The following EPM2A variants were observed in gnomAD, a reference collection of about 807,000 sequenced individuals.
EPM2A encodes the protein EPM2A glucan phosphatase, laforin, also known as laforin.
In EPM2A, 21 loss-of-function variants were observed where a neutral mutation model predicts 26.5. The observed-to-expected ratio is 0.79, with a 90% CI of 0.56 to 1.14. EPM2A has a LOEUF of 1.14. EPM2A is among the 50% of genes most tolerant of loss of function. The probability of loss-of-function intolerance (pLI) is 0.00; values close to 1 mark genes in which losing one functional copy is unlikely to be tolerated. For missense variants in EPM2A, 458 were observed against 440.8 expected, an observed-to-expected ratio of 1.04 and a Z score of -0.35; for synonymous variants, 217 against 177.6, an observed-to-expected ratio of 1.22 and a Z score of -1.76.
intron 4 of EPM2A, among the ~76,000 whole-genome samples, chr6:145,428,947 G>T (rs903325637): frequency 6.6e-6 from 1 of 152,126 alleles, no homozygotes; most frequent in Non-Finnish European, 1.5e-5. Context: ...ACAGAGCACC[G>T]TTTCTTTAAA....
At chr6:145,552,389 T>A (rs986417034) in intron 2 of EPM2A, among the ~76,000 whole-genome samples, 5 of 151,766 alleles carry the variant, frequency 3.3e-5, no homozygotes, top group Admixed American at 1.3e-4. Context: ...ACAATCAGAG[T>A]GATTTCTGAC....
rs1446648224 is a variant in EPM2A, at chr6:145,717,759, C to A, written c.301+17439G>T. 2.0e-5 allele frequency among the ~76,000 whole-genome samples: 3 copies of A among 150,132 alleles called. No individual in the cohort carries two copies. The South Asian group carries it at 6.4e-4, about 32-fold the overall frequency. Reference sequence around the variant, plus strand: ...AAAATCTCCTTAAGCTGATAAGCAACTTCAGCAAAGTCTCAGGATACAAAA... The same window carrying A: ...AAAATCTCCTTAAGCTGATAAGCAAATTCAGCAAAGTCTCAGGATACAAAA... On this transcript the variant is annotated intron_variant, in intron 1 of 3. Coordinates refer to ENST00000367519, the MANE Select transcript of EPM2A (RefSeq NM_005670.4).
chr6:145,454,328 C>G (rs1779233595), intron 4 of EPM2A, among the ~76,000 whole-genome samples: 1 of 152,054 alleles, frequency 6.6e-6, no homozygotes, highest in African/African-American at 2.4e-5. Context: ...TTTAAAAGCC[C>G]CGCAATATTC....
chr6:145,702,939 CTT>C (rs2128626523), intron 1 of EPM2A, among the ~76,000 whole-genome samples: 1 of 152,246 alleles, frequency 6.6e-6, no homozygotes, highest in African/African-American at 2.4e-5. Context: ...TATAAAATAA[CTT>C]AATGCAAATG....
intron 2 of EPM2A, chr6:145,639,780 T>A (rs916833146): frequency 1.2e-4 from 19 of 152,186 alleles, no homozygotes; most frequent in African/African-American, 4.3e-4. Context: ...ACCTTCTAAC[T>A]GGTCAAAACT....
intron 2 of EPM2A, among the ~76,000 whole-genome samples, chr6:145,515,276 A>G (rs1456652738): frequency 6.6e-6 from 1 of 152,178 alleles, no homozygotes; most frequent in Non-Finnish European, 1.5e-5. Flanking sequence ...CCTAAGATCA[A>G]TTTTCTAGAA....
chr6:145,505,246 T>TA (rs35126192), intron 2 of EPM2A, among the ~76,000 whole-genome samples: 51,931 of 149,724 alleles, frequency 0.35, 9,347 homozygotes, highest in South Asian at 0.51. Context: ...AAAGTATAAT[T>TA]AAAAAAAAAA....
At chr6:145,594,314 A>C (rs1471275434) in intron 2 of EPM2A, among the ~76,000 whole-genome samples, 1 of 151,922 alleles carries the variant, frequency 6.6e-6, no homozygotes, top group Non-Finnish European at 1.5e-5. Context: ...TATAAGGTTC[A>C]TTTCTTATTG....
intron 2 of EPM2A, among the ~76,000 whole-genome samples, chr6:145,617,578 T>C (rs1365663423): frequency 6.6e-6 from 1 of 152,194 alleles, no homozygotes; most frequent in African/African-American, 2.4e-5. Flanking sequence ...ATTACCCCAT[T>C]CATTGACTTA....
chr6:145,681,917 G>C (rs189475980), intron 2 of EPM2A, among the ~76,000 whole-genome samples: 223 of 152,144 alleles, frequency 1.5e-3, no homozygotes, highest in African/African-American at 4.8e-3. Flanking sequence ...CCATGTTCAG[G>C]CTAATTATGT....
chr6:145,564,932 T>C (rs1780862855), intron 2 of EPM2A, among the ~76,000 whole-genome samples: 1 of 152,116 alleles, frequency 6.6e-6, no homozygotes, highest in Non-Finnish European at 1.5e-5. Context: ...GTACCACTGC[T>C]CCTGTACTAT....
chr6:145,603,588 T>C (rs1781444776), intron 2 of EPM2A, among the ~76,000 whole-genome samples: 1 of 152,236 alleles, frequency 6.6e-6, no homozygotes, highest in African/African-American at 2.4e-5. Flanking sequence ...TGAAAGAAAA[T>C]GAAAGTGCTT....
intron 2 of EPM2A, among the ~76,000 whole-genome samples, chr6:145,571,355 C>T (rs1780953124): frequency 6.6e-6 from 1 of 152,202 alleles, no homozygotes; most frequent in Non-Finnish European, 1.5e-5. Flanking sequence ...CATGGTAAGA[C>T]CAGTGAATTC....
At chr6:145,544,496 T>G (rs922808604) in intron 2 of EPM2A, among the ~76,000 whole-genome samples, 1 of 152,162 alleles carries the variant, frequency 6.6e-6, no homozygotes, top group Non-Finnish European at 1.5e-5. Flanking sequence ...ATTGGTAAAT[T>G]GTGTGGGGAG....
chr6:145,427,654 T>A (rs1778869038), intron 4 of EPM2A, among the ~76,000 whole-genome samples: 1 of 152,186 alleles, frequency 6.6e-6, no homozygotes, highest in African/African-American at 2.4e-5. Context: ...AAGAAGACAG[T>A]CTAGTTAGGA....
chr6:145,539,843 C>A (rs1304545018), intron 2 of EPM2A, among the ~76,000 whole-genome samples: 1 of 152,144 alleles, frequency 6.6e-6, no homozygotes, highest in Admixed American at 6.5e-5. Flanking sequence ...CCCCTAAGTA[C>A]ACCTTTCAAA....
intron 4 of EPM2A, among the ~76,000 whole-genome samples, chr6:145,476,648 T>A (rs1779546843): frequency 6.6e-6 from 1 of 151,974 alleles, no homozygotes; most frequent in Admixed American, 6.6e-5. Context: ...ATAGGAGGAA[T>A]TTAGGGAACT....
At chr6:145,384,655 CA>C (rs1778234481) in intron 4 of EPM2A, among the ~76,000 whole-genome samples, 1 of 147,014 alleles carries the variant, frequency 6.8e-6, no homozygotes, top group South Asian at 2.3e-4. Context: ...GGAGTGCTGC[CA>C]GCTGACACTA....
At chr6:145,707,645 A>AT (rs1389048044) in intron 1 of EPM2A, among the ~76,000 whole-genome samples, 1 of 152,114 alleles carries the variant, frequency 6.6e-6, no homozygotes, top group Non-Finnish European at 1.5e-5. Context: ...GTAAGACGTG[A>AT]TTTTGCCCTT....
Sources: allele counts gnomAD v4.1 joint callset (sites outside exome capture counted in the v4.1 genomes callset), GRCh38; gene constraint gnomAD v4.1.1; transcripts MANE v1.5; gene names NCBI Gene and HGNC (gene_info 2026-07-23, HGNC 2026-07-21).